Variants in ESRRG observed in about 807,000 individuals in gnomAD.
The protein encoded by ESRRG is estrogen-related receptor gamma.
A neutral mutation model predicts 44.0 loss-of-function variants in ESRRG; 13 were observed. The ratio of observed to expected loss-of-function variants is 0.30; its 90% CI spans 0.19 to 0.47. The LOEUF (loss-of-function observed/expected upper bound fraction) is 0.47. Ranked by LOEUF, ESRRG falls within the 20% of genes least tolerant of loss-of-function variation. The pLI is 1.00. For synonymous variants in ESRRG, 215 were observed against 214.6 expected (o/e 1.00, Z -0.02); for missense variants, 395 against 580.6 (o/e 0.68, Z 3.29).
intron 3 of ESRRG, among the ~76,000 whole-genome samples, chr1:216,608,750 C>A (rs1480466899): frequency 1.3e-5 from 2 of 152,162 alleles, no homozygotes; most frequent in African/African-American, 2.4e-5. Flanking sequence ...GATCTAAGCT[C>A]ATTTAAAATA....
chr1:217,131,506 A>C (rs1458794465), intron 1 of ESRRG, among the ~76,000 whole-genome samples: 1 of 152,252 alleles, frequency 6.6e-6, no homozygotes, highest in Non-Finnish European at 1.5e-5. Flanking sequence ...TATCTGGTTC[A>C]TGTGCTGTTA....
chr1:217,035,818 A>G lies in ESRRG; in HGVS notation c.-106+53689T>C, dbSNP rs575026272. ...ATGCCTCTGCCCAGTGTCCTTCCCC[A>G]TTAATAAGAGTATGGATGATGTGGC... On this transcript the variant is annotated intron_variant, in intron 1 of 7. Transcript: ENST00000359162. 4.6e-5 allele frequency among the ~76,000 whole-genome samples: 7 copies of G among 152,266 alleles called. 1 individual carries two copies. The South Asian group carries it at 1.5e-3, about 32-fold the overall frequency.
chr1:216,700,822 C>G (rs1444351765), intron 1 of ESRRG, among the ~76,000 whole-genome samples: 1 of 151,952 alleles, frequency 6.6e-6, no homozygotes, highest in African/African-American at 2.4e-5. Flanking sequence ...GTATTCTTAC[C>G]CTAACACTCT....
intron 6 of ESRRG, among the ~76,000 whole-genome samples, chr1:216,514,451 T>C (rs1199795746): frequency 6.6e-6 from 1 of 152,184 alleles, no homozygotes; most frequent in Non-Finnish European, 1.5e-5. Flanking sequence ...ATGTTATAAT[T>C]TCTTGGTAAA....
At chr1:216,901,308 A>T (rs186088903) in intron 2 of ESRRG, among the ~76,000 whole-genome samples, 7 of 152,188 alleles carry the variant, frequency 4.6e-5, no homozygotes, top group Admixed American at 4.6e-4. Flanking sequence ...AGGACACTAG[A>T]TCTCATTTTT....
chr1:216,538,357 T>C (rs767198636), intron 5 of ESRRG, among the ~76,000 whole-genome samples: 3 of 152,056 alleles, frequency 2.0e-5, no homozygotes, highest in African/African-American at 4.8e-5. Flanking sequence ...CTGGTGGGAA[T>C]GGTCACATCT....
intron 3 of ESRRG, among the ~76,000 whole-genome samples, chr1:216,594,115 T>A (rs2058095344): frequency 6.6e-6 from 1 of 152,126 alleles, no homozygotes; most frequent in Non-Finnish European, 1.5e-5. Context: ...TTTATGAGAG[T>A]TGAGGTCAAA....
intron 1 of ESRRG, among the ~76,000 whole-genome samples, chr1:217,121,350 C>A (rs2092817151): frequency 1.3e-5 from 2 of 152,042 alleles, no homozygotes; most frequent in Non-Finnish European, 2.9e-5. Context: ...TGGACTTTTG[C>A]CATGGGAAAT....
intron 1 of ESRRG, among the ~76,000 whole-genome samples, chr1:216,695,688 G>T (rs944096466): frequency 6.6e-6 from 1 of 152,020 alleles, no homozygotes; most frequent in African/African-American, 2.4e-5. Context: ...CATCATCTCT[G>T]TTTACTAATG....
intron 2 of ESRRG, among the ~76,000 whole-genome samples, chr1:216,765,967 G>C (rs1025054883): frequency 2.6e-5 from 4 of 152,056 alleles, no homozygotes; most frequent in African/African-American, 9.7e-5. Context: ...GTAACTTTTT[G>C]TATCAGTAGC....
intron 2 of ESRRG, among the ~76,000 whole-genome samples, chr1:216,768,484 A>ATCTATCTATCTATCTATCTATCTATCTG (rs1553593223): frequency 6.6e-6 from 1 of 151,548 alleles, no homozygotes; most frequent in African/African-American, 2.4e-5. Flanking sequence ...CTATCTATCT[A>ATCTATCTATCTATCTATCTATCTATCTG]TCTATCTATC....
intron 1 of ESRRG, among the ~76,000 whole-genome samples, chr1:216,940,852 G>T (rs1167497137): frequency 1.3e-5 from 2 of 152,112 alleles, no homozygotes; most frequent in African/African-American, 2.4e-5. Flanking sequence ...CCCAGCAATT[G>T]GAATCATATC....
At chr1:217,090,045 T>C (rs1172701118), upstream of ESRRG, among the ~76,000 whole-genome samples, 1 of 152,182 alleles carries the variant, frequency 6.6e-6, no homozygotes, top group African/African-American at 2.4e-5. Flanking sequence ...CTAAAAAAAA[T>C]TCCCGGCACT....
At chr1:217,025,764 A>C (rs576603538) in intron 1 of ESRRG, among the ~76,000 whole-genome samples, 1 of 152,312 alleles carries the variant, frequency 6.6e-6, no homozygotes, top group South Asian at 2.1e-4. Flanking sequence ...GTGAATGTTT[A>C]TTACATTAAT....
intron 2 of ESRRG, among the ~76,000 whole-genome samples, chr1:216,845,745 G>T (rs1470555213): frequency 3.3e-5 from 5 of 152,048 alleles, no homozygotes; most frequent in African/African-American, 1.2e-4. Flanking sequence ...AAAACATCCA[G>T]ATTCAGGCAT....
At chr1:217,062,302 C>T (rs1363378622) in intron 1 of ESRRG, among the ~76,000 whole-genome samples, 1 of 152,140 alleles carries the variant, frequency 6.6e-6, no homozygotes, top group Non-Finnish European at 1.5e-5. Flanking sequence ...CAATGACATA[C>T]CGTGTGAGAG....
At position 216,505,217 on chromosome 1, in the gene ESRRG, G is replaced by A. The variant is rs1354903956; in HGVS notation, c.*1722C>T. On this transcript the variant is annotated 3_prime_UTR_variant, in exon 7 of 7. Transcript: ENST00000408911. ...CATTTGATGGAGGTTACTGTTTATT[G>A]GTTATTCAGCGACTGTAGATTTCGG... The A allele has an allele frequency of 6.6e-6, 1 of 152,550 alleles. No individual in the cohort carries two copies. The highest frequency in any genetic ancestry group is 1.5e-5 in the Non-Finnish European group (1 of 68,018). The allele number at this position is 152,550 out of a possible 1,614,324, so 9.4% of individuals were successfully genotyped here. A position where few individuals can be genotyped will look rare whatever the true frequency, so the allele number is the denominator to read the frequency against.
chr1:217,089,566 G>A (rs922284549), exon 1 of ESRRG: 5 of 152,356 alleles, frequency 3.3e-5, no homozygotes, highest in Middle Eastern at 3.4e-3. Flanking sequence ...TTTTAAAGAA[G>A]CCGAAGCCGG....
chr1:216,819,370 A>G lies in ESRRG; in HGVS notation c.-14+120212T>C, dbSNP rs534345745. On this transcript the variant is annotated intron_variant, in intron 2 of 7. Transcript: ENST00000359162. Reference sequence around the variant, plus strand: ...CTACTTCAAATCCTTCCTATTCTTTAAAGTTTTCTGTATATCTTCTTCCTT... The same window carrying G: ...CTACTTCAAATCCTTCCTATTCTTTGAAGTTTTCTGTATATCTTCTTCCTT... 8.7e-5 allele frequency among the ~76,000 whole-genome samples: 9 copies of G among 103,314 alleles called. No individual in the cohort carries two copies. The South Asian group carries it at 2.8e-3, about 32-fold the overall frequency. The allele number at this position is 103,314 out of a possible 152,430, so 67.8% of individuals were successfully genotyped here.
Sources: gnomAD v4.1 joint callset for allele counts (sites outside exome capture counted in the v4.1 genomes callset) on GRCh38, gnomAD v4.1.1 for gene constraint, MANE v1.5 for transcripts, NCBI Gene and HGNC (gene_info 2026-07-23, HGNC 2026-07-21) for gene names.